The following ATF2 variants were observed in gnomAD, a reference collection of about 807,000 sequenced individuals.
ATF2 encodes the protein cyclic AMP-dependent transcription factor ATF-2.
In ATF2, 24 loss-of-function variants were observed where a neutral mutation model predicts 60.6. The ratio of observed to expected loss-of-function variants is 0.40; its 90% CI spans 0.29 to 0.56. The LOEUF (loss-of-function observed/expected upper bound fraction) is 0.56, where lower values mean the gene tolerates loss of function less well. ATF2 is among the 20% of genes least tolerant of loss of function. The probability of loss-of-function intolerance (pLI) is 0.54; values close to 1 mark genes in which losing one functional copy is unlikely to be tolerated. For missense variants in ATF2, 433 were observed against 607.7 expected, an observed-to-expected ratio of 0.71 and a Z score of 3.02; for synonymous variants, 206 against 215.4, an observed-to-expected ratio of 0.96 and a Z score of 0.38.
intron 2 of ATF2, among the ~76,000 whole-genome samples, chr2:175,147,320 G>A (rs1484162711): frequency 6.6e-6 from 1 of 152,080 alleles, no homozygotes; most frequent in African/African-American, 2.4e-5. Context: ...AACAAATGAG[G>A]AAAGCAATTC....
Position 175,074,534 on chromosome 2 carries a change from GGA to G in ATF2, c.*73_*74del. 2 of 1,468,802 alleles carry G rather than the reference GGA, an allele frequency of 1.4e-6. No individual in the cohort carries two copies. The highest frequency in any genetic ancestry group is 1.8e-6 in the Non-Finnish European group (2 of 1,099,752). The allele number at this position is 1,468,802 out of a possible 1,614,324, so 91.0% of individuals were successfully genotyped here. ...TTACAACCACAGATTTCGCATAAAT[GGA>G]AACTGGTCTTTCCTTGATTTCCCTT... On this transcript the variant is annotated 3_prime_UTR_variant, in exon 14 of 14. Coordinates refer to ENST00000264110, the MANE Select transcript of ATF2 (RefSeq NM_001880.4).
chr2:175,106,930 G>A (rs1231405348), intron 10 of ATF2, among the ~76,000 whole-genome samples: 2 of 152,184 alleles, frequency 1.3e-5, no homozygotes, highest in African/African-American at 2.4e-5. Flanking sequence ...TTGGGAGGCC[G>A]AGGAGGGTGG....
rs116529935 is a variant in ATF2, at chr2:175,089,661, T to C, written c.1185+3400A>G. Among the ~76,000 whole-genome samples, 753 of 152,354 alleles carry C rather than the reference T, an allele frequency of 4.9e-3. 5 individuals carry two copies. Among genetic ancestry groups the C allele is most frequent in the African/African-American group, 0.017 (692 of 41,594 alleles). ...CTGAATCTATTATAGGCATGTTAAC[T>C]CTTCACATTCTGAAAGCTACAATCT... On this transcript the variant is annotated intron_variant, in intron 12 of 13. Transcript: ENST00000264110.
At chr2:175,114,626 G>C in intron 8 of ATF2, 64 bp downstream of exon 8, 1 of 1,557,660 alleles carries the variant, frequency 6.4e-7, no homozygotes, top group East Asian at 2.3e-5. Context: ...AATGTCTTAG[G>C]AAAAATCATT....
In ATF2 at chr2:175,074,584, A is replaced by T; in HGVS notation, c.*25T>A. ...CTTTGAAGTCACTAATGAGTATCTA[A>T]AACTGTTGTACTGCAGGTTTTTAAT... On this transcript the variant is annotated 3_prime_UTR_variant, in exon 14 of 14. Coordinates refer to ENST00000264110, the MANE Select transcript of ATF2 (RefSeq NM_001880.4). 1 of 1,595,398 alleles carries T rather than the reference A, an allele frequency of 6.3e-7. No homozygotes were observed. Among genetic ancestry groups the T allele is most frequent in the Non-Finnish European group, 8.6e-7 (1 of 1,169,544 alleles).
chr2:175,157,681 A>G (rs1231494434), intron 1 of ATF2, among the ~76,000 whole-genome samples: 3 of 152,130 alleles, frequency 2.0e-5, no homozygotes, highest in African/African-American at 7.2e-5. Context: ...ACTAGACACG[A>G]CTTTATTCCC....
At chr2:175,093,308 A>G (rs1694684654) in intron 11 of ATF2, 41 bp from the exon 12 acceptor site, 1 of 1,587,124 alleles carries the variant, frequency 6.3e-7, no homozygotes, top group Non-Finnish European at 8.6e-7. Context: ...ATTTGTATCT[A>G]GTGAGTGAAT....
intron 12 of ATF2, among the ~76,000 whole-genome samples, chr2:175,091,722 G>A (rs1004833824): frequency 6.6e-6 from 1 of 152,106 alleles, no homozygotes; most frequent in Non-Finnish European, 1.5e-5. Flanking sequence ...AATTAGCCGG[G>A]TGTGGTGGTG....
intron 2 of ATF2, among the ~76,000 whole-genome samples, chr2:175,141,585 C>T (rs1223243891): frequency 4.6e-5 from 7 of 151,830 alleles, no homozygotes; most frequent in African/African-American, 1.5e-4. Flanking sequence ...CTCCATCTCC[C>T]GGGTTCACGC....
intron 13 of ATF2, among the ~76,000 whole-genome samples, chr2:175,078,262 G>C (rs1693507130): frequency 6.6e-6 from 1 of 152,120 alleles, no homozygotes; most frequent in African/African-American, 2.4e-5. Flanking sequence ...ATGAGCCACA[G>C]TGCCTGGCCT....
At chr2:175,159,340 A>G (rs1699880489) in intron 1 of ATF2, among the ~76,000 whole-genome samples, 1 of 152,032 alleles carries the variant, frequency 6.6e-6, no homozygotes, top group South Asian at 2.1e-4. Flanking sequence ...AAAGTTTTAT[A>G]TTAATCTTTA....
intron 12 of ATF2, among the ~76,000 whole-genome samples, chr2:175,081,340 T>C (rs1196888718): frequency 6.6e-6 from 1 of 152,308 alleles, no homozygotes; most frequent in Non-Finnish European, 1.5e-5. Flanking sequence ...CTTAGCTGCC[T>C]TTGACCCAGG....
chr2:175,159,879 T>C (rs985048242), intron 1 of ATF2, among the ~76,000 whole-genome samples: 3 of 152,214 alleles, frequency 2.0e-5, no homozygotes, highest in African/African-American at 4.8e-5. Flanking sequence ...AACAGAATTA[T>C]GTGGTCTAAG....
chr2:175,125,796 A>C (rs1027727469), intron 4 of ATF2, among the ~76,000 whole-genome samples: 1 of 152,144 alleles, frequency 6.6e-6, no homozygotes, highest in Non-Finnish European at 1.5e-5. Flanking sequence ...ACAGAATACA[A>C]AACTGTGCAG....
chr2:175,140,732 T>C (rs1157642535), intron 2 of ATF2, among the ~76,000 whole-genome samples: 1 of 150,626 alleles, frequency 6.6e-6, no homozygotes, highest in Non-Finnish European at 1.5e-5. Flanking sequence ...CTCACACCTG[T>C]AATGATAGCA....
chr2:175,153,836 A>AAG (rs1491578955), intron 1 of ATF2, among the ~76,000 whole-genome samples: 1 of 4,646 alleles, frequency 2.2e-4, no homozygotes, highest in East Asian at 0.25. Context: ...TGCCTCAAAG[A>AAG]AAAAAAAAAA....
intron 1 of ATF2, among the ~76,000 whole-genome samples, chr2:175,156,263 C>T (rs1462600429): frequency 2.7e-5 from 4 of 149,614 alleles, no homozygotes; most frequent in South Asian, 2.1e-4. Context: ...CCCAGCTACT[C>T]GGGAGGCTGA....
chr2:175,078,810 C>T (rs980412205), intron 13 of ATF2, among the ~76,000 whole-genome samples: 3 of 152,100 alleles, frequency 2.0e-5, no homozygotes, highest in African/African-American at 7.2e-5. Flanking sequence ...TACTACTACA[C>T]AACAGAGAAG....
chr2:175,119,687 A>G (rs1318263035), intron 5 of ATF2, among the ~76,000 whole-genome samples: 1 of 151,636 alleles, frequency 6.6e-6, no homozygotes, highest in African/African-American at 2.4e-5. Context: ...AAATCACATT[A>G]CAGTAAGTAA....
Sources: gnomAD v4.1 joint callset for allele counts (sites outside exome capture counted in the v4.1 genomes callset) on GRCh38, gnomAD v4.1.1 for gene constraint, MANE v1.5 for transcripts, NCBI Gene and HGNC (gene_info 2026-07-23, HGNC 2026-07-21) for gene names.